MGAM: variants seen among roughly 807,000 people sequenced by gnomAD.
MGAM encodes maltase-glucoamylase, also known as alpha-1,4-glucosidase.
A neutral mutation model predicts 358.8 loss-of-function variants in MGAM; 253 were observed. The ratio of observed to expected loss-of-function variants is 0.71; its 90% CI spans 0.64 to 0.78. MGAM has a LOEUF of 0.78. MGAM is among the 30% of genes least tolerant of loss of function. MGAM has a pLI of 0.00. For missense variants in MGAM, 3,080 were observed against 3,432.6 expected (o/e 0.90, Z 2.57); for synonymous variants, 1,105 against 1,227.1 (o/e 0.90, Z 2.08).
At position 142,086,109 on chromosome 7, in the gene MGAM, C is replaced by T. The variant is rs1385412565; in HGVS notation, c.6637-109C>T. The T allele has an allele frequency of 1.0e-5, 15 of 1,430,426 alleles. 2 individuals carry two copies. The highest frequency in any genetic ancestry group is 1.4e-5 in the Non-Finnish European group (15 of 1,046,166). The allele number at this position is 1,430,426 out of a possible 1,614,324, so 88.6% of individuals were successfully genotyped here. On this transcript the variant is annotated intron_variant, in intron 55 of 70. Coordinates refer to ENST00000475668, the MANE Select transcript of MGAM (RefSeq NM_001365693.1). ...TTTCCCTGGACTCACAGAAACTCTACAGTTCAGGTAGAAGCCAACAAGTTC... is the reference window on the plus strand; with the variant it reads ...TTTCCCTGGACTCACAGAAACTCTATAGTTCAGGTAGAAGCCAACAAGTTC...
rs1463944598 is a variant in MGAM at position 142,041,757 on chromosome 7, T to C, written c.2498+911T>C. Among the ~76,000 whole-genome samples the C allele has an allele frequency of 2.0e-5, 3 of 148,128 alleles. No homozygotes were observed. The South Asian group carries it at 6.3e-4, about 31-fold the overall frequency. ...ATCCTTTCCAACATTCTTTGCCTGG[T>C]GTATTCTTAATGATCCAAATGAAAC... On this transcript the variant is annotated intron_variant, in intron 21 of 70. Coordinates refer to ENST00000475668, the MANE Select transcript of MGAM (RefSeq NM_001365693.1).
chr7:142,029,004 C>T (rs1237187186), intron 10 of MGAM, among the ~76,000 whole-genome samples: 4 of 152,140 alleles, frequency 2.6e-5, no homozygotes, highest in Admixed American at 2.0e-4. Flanking sequence ...ACTCTCGTGG[C>T]AGGCAGTGTG....
intron 10 of MGAM, among the ~76,000 whole-genome samples, chr7:142,029,289 G>A (rs1288861295): frequency 6.6e-6 from 1 of 152,194 alleles, no homozygotes; most frequent in Non-Finnish European, 1.5e-5. Flanking sequence ...GAACCCTGGA[G>A]GTGGAGGTTG....
rs374204300 is a variant in MGAM at position 142,050,713 on chromosome 7, A to G, written c.2654A>G (p.Asn885Ser). 2.5e-6 allele frequency: 4 copies of G among 1,613,632 alleles called. No homozygotes were observed. Among genetic ancestry groups the G allele is most frequent in the Non-Finnish European group, 3.4e-6 (4 of 1,179,690 alleles). Reference protein sequence around the residue: ...FSVTQNRLEVNISQSTYKDPN... With the variant: ...FSVTQNRLEVSISQSTYKDPN... ...GTTTTGCAGAACCGCTTGGAGGTGA[A>G]TATTTCACAATCAACCTACAAGGAC... Residue 885 changes from asparagine (N) to serine (S), a missense_variant, in exon 24 of 71, where the codon AAT becomes AGT. This residue lies in a region of MGAM where 1,816 missense variants were observed against 1,840.5 expected (regional missense o/e 0.99). Coordinates refer to ENST00000475668, the MANE Select transcript of MGAM (RefSeq NM_001365693.1).
chr7:142,099,583 T>C lies in MGAM; in HGVS notation c.7750-30T>C, dbSNP rs374142163. ...TTCAGGGAGGGGCCTGTCCTCTCCT[T>C]AGTCATCTCTTACCTTCTTCTGCCT... On this transcript the variant is annotated intron_variant, in intron 66 of 70. Transcript: ENST00000475668. The C allele has an allele frequency of 2.2e-5, 35 of 1,613,728 alleles. No homozygotes were observed. The African/African-American group carries it at 4.7e-4, about 22-fold the overall frequency.
intron 2 of MGAM, among the ~76,000 whole-genome samples, chr7:141,990,240 A>G (rs1554446997): frequency 1.3e-5 from 2 of 152,238 alleles, no homozygotes; most frequent in Non-Finnish European, 2.9e-5. Context: ...TAGAATGCTT[A>G]CTATGGCCTA....
chr7:141,998,208 A>AT (rs1804427547), intron 1 of MGAM, among the ~76,000 whole-genome samples: 1 of 152,160 alleles, frequency 6.6e-6, no homozygotes, highest in South Asian at 2.1e-4. Flanking sequence ...AAAAAATTCT[A>AT]TTGCTTTTGC....
chr7:142,070,060 G>A (rs1585053927), intron 43 of MGAM, among the ~76,000 whole-genome samples: 1 of 144,540 alleles, frequency 6.9e-6, no homozygotes, highest in Non-Finnish European at 1.6e-5. Context: ...GGGTGTAGGG[G>A]CATGCACCTG....
intron 3 of MGAM, among the ~76,000 whole-genome samples, chr7:142,009,861 G>A (rs968354478): frequency 6.6e-6 from 1 of 152,210 alleles, no homozygotes; most frequent in South Asian, 2.1e-4. Flanking sequence ...GAGAGCTGAG[G>A]CTATGGATAA....
chr7:142,042,761 T>A (rs1414131194), intron 21 of MGAM, among the ~76,000 whole-genome samples: 1 of 78,468 alleles, frequency 1.3e-5, no homozygotes, highest in Non-Finnish European at 2.2e-5. Context: ...AATATATATA[T>A]TATATATACA....
intron 49 of MGAM, among the ~76,000 whole-genome samples, chr7:142,080,486 C>G (rs73738776): frequency 0.057 from 8,322 of 145,976 alleles, 997 homozygotes; most frequent in African/African-American, 0.1. Context: ...TTCTCATATA[C>G]CCACAGAAAA....
chr7:141,997,953 C>T (rs557063229), intron 1 of MGAM, among the ~76,000 whole-genome samples: 1 of 152,274 alleles, frequency 6.6e-6, no homozygotes, highest in East Asian at 1.9e-4. Flanking sequence ...ATCCTCTTTT[C>T]CACTAGATCT....
intron 35 of MGAM, 146 bp downstream of exon 35, chr7:142,062,848 G>GGAA: frequency 6.4e-6 from 9 of 1,403,236 alleles, no homozygotes; most frequent in Non-Finnish European, 8.6e-6. Flanking sequence ...TCTCAGGAGA[G>GGAA]GAACTGCCCT....
intron 68 of MGAM, among the ~76,000 whole-genome samples, chr7:142,101,856 C>T (rs34336582): frequency 0.17 from 25,583 of 149,530 alleles, 2,338 homozygotes; most frequent in African/African-American, 0.22. Context: ...TGCAGTGAGC[C>T]GAGATCATGC....
chr7:142,056,835 A>T lies in MGAM; in HGVS notation c.3586A>T (p.Thr1196Ser). ...LLLNSNAMDV[T>S]FQPLPALTYR... ...GCATTTTTCTTTATTTTCAGATGTG[A>T]CGTTCCAGCCCCTGCCTGCCTTGAC... Residue 1196 changes from threonine (T) to serine (S), a missense_variant, in exon 30 of 71, where the codon ACG becomes TCG. Coordinates refer to ENST00000475668, the MANE Select transcript of MGAM (RefSeq NM_001365693.1). The T allele has an allele frequency of 1.2e-6, 2 of 1,613,640 alleles. No homozygotes were observed. Among genetic ancestry groups the T allele is most frequent in the African/African-American group, 2.7e-5 (2 of 74,976 alleles).
chr7:142,021,810 G>A, intron 6 of MGAM, 73 bp downstream of exon 6: 1 of 1,485,736 alleles, frequency 6.7e-7, no homozygotes, highest in Non-Finnish European at 9.4e-7. Context: ...GAAGAAGGGG[G>A]TGTTTCAACA....
Position 142,021,000 on chromosome 7 carries a change from CCTT to C in MGAM, c.480_482del (p.Ser161del). 6.2e-7 allele frequency: 1 copy of C among 1,613,428 alleles called. No individual in the cohort carries two copies. Among genetic ancestry groups the C allele is most frequent in the Non-Finnish European group, 8.5e-7 (1 of 1,179,560 alleles). On this transcript the variant is annotated inframe_deletion, in exon 5 of 71. Transcript: ENST00000475668. ...ATTCACAGCCCGGTTGAAAAATCTG[CCTT>C]CTTCACCAGTGTTTGGAAGCAATGT... is the stretch of plus-strand genomic sequence containing the variant.
At chr7:142,048,149 T>G (rs1810572010) in intron 22 of MGAM, among the ~76,000 whole-genome samples, 1 of 130,406 alleles carries the variant, frequency 7.7e-6, no homozygotes, top group Non-Finnish European at 1.7e-5. Flanking sequence ...ATTTATTTAT[T>G]TATTTATTTA....
Position 142,079,112 on chromosome 7 carries a change from T to G in MGAM, c.5847+104T>G. On this transcript the variant is annotated intron_variant, in intron 49 of 70. Transcript: ENST00000475668. ...CCTAAAATAAGTTAATCATGCTACATTAGACTATGTCATTATCCAGAGAAC... is the reference window on the plus strand; with the variant it reads ...CCTAAAATAAGTTAATCATGCTACAGTAGACTATGTCATTATCCAGAGAAC... The G allele has an allele frequency of 2.0e-6, 2 of 1,021,604 alleles. 1 individual carries two copies. Among genetic ancestry groups the G allele is most frequent in the South Asian group, 3.0e-5 (2 of 66,338 alleles). The allele number at this position is 1,021,604 out of a possible 1,614,324, so 63.3% of individuals were successfully genotyped here.
Sources: allele counts gnomAD v4.1 joint callset (sites outside exome capture counted in the v4.1 genomes callset), GRCh38; gene constraint gnomAD v4.1.1; regional missense constraint gnomAD v4.1.1; transcripts MANE v1.5; gene names NCBI Gene and HGNC (gene_info 2026-07-23, HGNC 2026-07-21).